SPRED1: variants seen among roughly 807,000 people sequenced by gnomAD.
SPRED1 encodes sprouty-related, EVH1 domain-containing protein 1.
SPRED1 carries 18 observed loss-of-function variants against 52.3 expected under a neutral mutation model. The observed-to-expected ratio is 0.34, with a 90% CI of 0.24 to 0.51. SPRED1 has a LOEUF of 0.51. Among genes scored for constraint, SPRED1 ranks in the 20% least tolerant of loss-of-function variants. The pLI, the probability that SPRED1 is intolerant of heterozygous loss-of-function variation, is 0.97. For missense variants in SPRED1, 485 were observed against 551.0 expected (o/e 0.88, Z 1.20); for synonymous variants, 155 against 179.7 (o/e 0.86, Z 1.10).
chr15:38,294,393 G>C (rs1201732844), intron 1 of SPRED1, among the ~76,000 whole-genome samples: 1 of 152,204 alleles, frequency 6.6e-6, no homozygotes, highest in Admixed American at 6.5e-5. Context: ...ATTAAAAATG[G>C]AAAAAGTTAT....
At chr15:38,336,495 G>A (rs1250613959) in intron 4 of SPRED1, among the ~76,000 whole-genome samples, 1 of 144,096 alleles carries the variant, frequency 6.9e-6, no homozygotes, top group Non-Finnish European at 1.5e-5. Context: ...TATTATTTGA[G>A]TCATTTTCAG....
intron 1 of SPRED1, among the ~76,000 whole-genome samples, chr15:38,269,782 G>A (rs1894391211): frequency 6.6e-6 from 1 of 152,166 alleles, no homozygotes; most frequent in African/African-American, 2.4e-5. Context: ...TTATTTGGCT[G>A]TACTTGAAGT....
At chr15:38,261,822 A>G (rs975394073) in intron 1 of SPRED1, among the ~76,000 whole-genome samples, 4 of 152,238 alleles carry the variant, frequency 2.6e-5, no homozygotes, top group African/African-American at 9.6e-5. Flanking sequence ...TAGGAATTAC[A>G]TTCACAAATA....
At chr15:38,341,579 C>T (rs1896031167) in intron 5 of SPRED1, among the ~76,000 whole-genome samples, 1 of 152,092 alleles carries the variant, frequency 6.6e-6, no homozygotes, top group Non-Finnish European at 1.5e-5. Flanking sequence ...CCGTATGCTA[C>T]TCTGCTTCCA....
intron 1 of SPRED1, among the ~76,000 whole-genome samples, chr15:38,278,054 A>G (rs1375634264): frequency 6.6e-6 from 1 of 152,216 alleles, no homozygotes; most frequent in South Asian, 2.1e-4. Flanking sequence ...TTTAACATCA[A>G]ATTTTATAAA....
chr15:38,304,817 G>A (rs761968347), intron 2 of SPRED1, among the ~76,000 whole-genome samples: 12 of 151,648 alleles, frequency 7.9e-5, no homozygotes, highest in African/African-American at 1.2e-4. Context: ...TCATGTCTTC[G>A]CTATTACATT....
intron 1 of SPRED1, among the ~76,000 whole-genome samples, chr15:38,270,576 A>G (rs747397459): frequency 9.9e-5 from 15 of 152,194 alleles, no homozygotes; most frequent in Admixed American, 2.0e-4. Context: ...TTAGCAAGGC[A>G]GAGCAGGAGA....
Position 38,315,393 on chromosome 15 carries a change from C to A in SPRED1, c.208-6848C>A, listed in dbSNP as rs567427354. ...ATATATTTAATTGTACTCTCTTCTTCCAAATTATTAGTTGTTATTAGTGAA... is the reference window on the plus strand; with the variant it reads ...ATATATTTAATTGTACTCTCTTCTTACAAATTATTAGTTGTTATTAGTGAA... On this transcript the variant is annotated intron_variant, in intron 2 of 6. Transcript: ENST00000299084. 1.1e-4 allele frequency among the ~76,000 whole-genome samples: 17 copies of A among 151,958 alleles called. No homozygotes were observed. In the East Asian group the frequency reaches 3.1e-3, roughly 28 times the overall value.
chr15:38,287,999 A>G (rs571398312), intron 1 of SPRED1, among the ~76,000 whole-genome samples: 1 of 152,268 alleles, frequency 6.6e-6, no homozygotes, highest in African/African-American at 2.4e-5. Context: ...TGAATCATGA[A>G]TCACTCTGAG....
intron 1 of SPRED1, chr15:38,283,377 G>A (rs1414451480): frequency 6.7e-6 from 2 of 300,194 alleles, no homozygotes; most frequent in African/African-American, 2.3e-5. Flanking sequence ...TTTGGGTGGG[G>A]ACACAGAGCC....
chr15:38,285,237 C>T (rs1462195804), intron 1 of SPRED1, among the ~76,000 whole-genome samples: 1 of 152,138 alleles, frequency 6.6e-6, no homozygotes, highest in Non-Finnish European at 1.5e-5. Context: ...GTGCCAAGCA[C>T]TCTTCTAGTT....
chr15:38,262,048 T>G (rs1046809386), intron 1 of SPRED1, among the ~76,000 whole-genome samples: 3 of 150,974 alleles, frequency 2.0e-5, no homozygotes, highest in Admixed American at 1.3e-4. Context: ...TACTGTGAGA[T>G]TGGGGAGTTC....
intron 1 of SPRED1, among the ~76,000 whole-genome samples, chr15:38,265,529 G>T (rs936969253): frequency 6.6e-6 from 1 of 151,822 alleles, no homozygotes; most frequent in Non-Finnish European, 1.5e-5. Flanking sequence ...AATTTATATT[G>T]TGAAAATTTT....
At chr15:38,339,936 T>A (rs1895997624) in intron 5 of SPRED1, 41 bp downstream of exon 5, 1 of 1,612,004 alleles carries the variant, frequency 6.2e-7, no homozygotes, top group African/African-American at 1.3e-5. Context: ...TGTTTATATG[T>A]GTAGAAATTG....
At chr15:38,323,697 A>G (rs1012850128) in intron 3 of SPRED1, among the ~76,000 whole-genome samples, 3 of 152,054 alleles carry the variant, frequency 2.0e-5, no homozygotes, top group African/African-American at 7.2e-5. Flanking sequence ...GTTTGACGCC[A>G]TACTCTGGCA....
At chr15:38,288,941 T>G (rs937791954) in intron 1 of SPRED1, among the ~76,000 whole-genome samples, 1 of 152,200 alleles carries the variant, frequency 6.6e-6, no homozygotes, top group African/African-American at 2.4e-5. Context: ...TCAGTTAGTT[T>G]ATTCAAAATT....
chr15:38,343,655 C>A (rs1226892589), intron 5 of SPRED1, among the ~76,000 whole-genome samples: 1 of 152,042 alleles, frequency 6.6e-6, no homozygotes, highest in Non-Finnish European at 1.5e-5. Context: ...ACTCTCATAC[C>A]ATAGCAAATA....
At chr15:38,279,932 C>A (rs1052960133) in intron 1 of SPRED1, among the ~76,000 whole-genome samples, 8 of 152,092 alleles carry the variant, frequency 5.3e-5, no homozygotes, top group Admixed American at 5.2e-4. Flanking sequence ...AGCATCTTTT[C>A]TTCCTTAATT....
At chr15:38,271,883 T>A (rs1894442638) in intron 1 of SPRED1, among the ~76,000 whole-genome samples, 1 of 152,102 alleles carries the variant, frequency 6.6e-6, no homozygotes, top group African/African-American at 2.4e-5. Context: ...TACCCAATAG[T>A]TTTTCAACCC....
Sources: gnomAD v4.1 joint callset for allele counts (sites outside exome capture counted in the v4.1 genomes callset) on GRCh38, gnomAD v4.1.1 for gene constraint, MANE v1.5 for transcripts, NCBI Gene and HGNC (gene_info 2026-07-23, HGNC 2026-07-21) for gene names.